LTBP1: variants seen among roughly 807,000 people sequenced by gnomAD.
The protein encoded by LTBP1 is latent-transforming growth factor beta-binding protein 1.
A neutral mutation model predicts 207.6 loss-of-function variants in LTBP1; 129 were observed. The ratio of observed to expected loss-of-function variants is 0.62; its 90% CI spans 0.54 to 0.72. The LOEUF is 0.72. Among genes scored for constraint, LTBP1 ranks in the 30% least tolerant of loss-of-function variants. The pLI is 0.00. For synonymous variants in LTBP1, 963 were observed against 833.7 expected, an observed-to-expected ratio of 1.16 and a Z score of -2.67; for missense variants, 2,281 against 2,217.2, an observed-to-expected ratio of 1.03 and a Z score of -0.58.
intron 5 of LTBP1, among the ~76,000 whole-genome samples, chr2:33,165,068 T>C (rs1379704124): frequency 6.6e-6 from 1 of 151,960 alleles, no homozygotes; most frequent in East Asian, 1.9e-4. Context: ...GGATAGGGAG[T>C]GTGGTATGTT....
intron 5 of LTBP1, among the ~76,000 whole-genome samples, chr2:33,171,528 T>G (rs1179945905): frequency 6.6e-6 from 1 of 151,286 alleles, no homozygotes; most frequent in Admixed American, 6.6e-5. Context: ...AATCTACGTC[T>G]GATTGGTGTA....
intron 32 of LTBP1, among the ~76,000 whole-genome samples, chr2:33,396,456 A>G (rs1326642301): frequency 2.0e-5 from 3 of 152,212 alleles, no homozygotes; most frequent in Admixed American, 1.3e-4. Context: ...TCCTGGCCTC[A>G]GGCGATCTGC....
intron 3 of LTBP1, among the ~76,000 whole-genome samples, chr2:33,041,230 T>G (rs2076166234): frequency 6.6e-6 from 1 of 152,208 alleles, no homozygotes. Context: ...TGTTTATTTA[T>G]TTTTTCTAGC....
intron 2 of LTBP1, among the ~76,000 whole-genome samples, chr2:32,955,415 G>A (rs1290001267): frequency 6.6e-6 from 1 of 152,200 alleles, no homozygotes; most frequent in Non-Finnish European, 1.5e-5. Flanking sequence ...CTGCATCAGT[G>A]ATTATGTAGA....
intron 5 of LTBP1, among the ~76,000 whole-genome samples, chr2:33,161,947 A>C (rs2084506205): frequency 6.6e-6 from 1 of 152,230 alleles, no homozygotes; most frequent in African/African-American, 2.4e-5. Flanking sequence ...ATGGGAACCA[A>C]GTGACTTGCC....
chr2:33,069,288 C>T (rs1174227145), intron 3 of LTBP1, among the ~76,000 whole-genome samples: 1 of 152,104 alleles, frequency 6.6e-6, no homozygotes, highest in Admixed American at 6.5e-5. Context: ...CCCTCCCCGC[C>T]CCACTCCATT....
chr2:33,010,937 C>T (rs2149096104), intron 2 of LTBP1, among the ~76,000 whole-genome samples: 1 of 152,174 alleles, frequency 6.6e-6, no homozygotes, highest in Middle Eastern at 3.4e-3. Context: ...CCAGGATGGT[C>T]TCGATCTCTT....
chr2:33,306,773 C>CAAAG (rs1276717949), intron 22 of LTBP1, among the ~76,000 whole-genome samples: 1 of 151,866 alleles, frequency 6.6e-6, no homozygotes, highest in Non-Finnish European at 1.5e-5. Flanking sequence ...TCCTACAAAG[C>CAAAG]AAAGAAAGAA....
At chr2:33,317,977 C>T (rs1316025015) in intron 24 of LTBP1, 1 of 152,114 alleles carries the variant, frequency 6.6e-6, no homozygotes, top group Non-Finnish European at 1.5e-5. Flanking sequence ...TTGAGTATTC[C>T]TCATCTGTAA....
chr2:33,065,751 C>CT (rs918299170), intron 3 of LTBP1, among the ~76,000 whole-genome samples: 5 of 152,138 alleles, frequency 3.3e-5, no homozygotes, highest in Non-Finnish European at 7.4e-5. Context: ...TTCCTGTATA[C>CT]TTTGAAGAGT....
At chr2:33,248,584 G>A (rs193220819) in intron 10 of LTBP1, among the ~76,000 whole-genome samples, 8 of 149,558 alleles carry the variant, frequency 5.3e-5, no homozygotes, top group South Asian at 2.1e-4. Context: ...GGTTCTCCAC[G>A]AATTTTTTTT....
intron 31 of LTBP1, among the ~76,000 whole-genome samples, chr2:33,384,870 G>T (rs1224570099): frequency 6.6e-6 from 1 of 151,840 alleles, no homozygotes; most frequent in Admixed American, 6.6e-5. Flanking sequence ...TGTGGCTTGG[G>T]GTGCCCAGAG....
chr2:33,285,451 C>CTTTTTTT (rs199993814), intron 19 of LTBP1, among the ~76,000 whole-genome samples: 2 of 124,400 alleles, frequency 1.6e-5, no homozygotes, highest in Non-Finnish European at 1.7e-5. Context: ...CTTTCTTTTT[C>CTTTTTTT]TTTTTTTTTT....
At chr2:32,954,565 A>C (rs1677751164) in intron 2 of LTBP1, among the ~76,000 whole-genome samples, 1 of 108,978 alleles carries the variant, frequency 9.2e-6, no homozygotes, top group Non-Finnish European at 2.0e-5. Context: ...CCCACCAATG[A>C]TCCCATTTTA....
chr2:33,157,510 A>C (rs2084064780), intron 5 of LTBP1, among the ~76,000 whole-genome samples: 2 of 152,234 alleles, frequency 1.3e-5, no homozygotes, highest in African/African-American at 4.8e-5. Flanking sequence ...TTTATAGATC[A>C]GAAAATTGAG....
intron 4 of LTBP1, among the ~76,000 whole-genome samples, chr2:33,115,072 ACG>A (rs1491185239): frequency 2.7e-5 from 4 of 147,372 alleles, no homozygotes; most frequent in African/African-American, 5.0e-5. Context: ...ACACACACAC[ACG>A]TATACACAAA....
intron 4 of LTBP1, among the ~76,000 whole-genome samples, chr2:33,113,683 C>T (rs555960014): frequency 6.6e-6 from 1 of 152,212 alleles, no homozygotes; most frequent in Non-Finnish European, 1.5e-5. Flanking sequence ...TGGGTGTTCT[C>T]TGGTCATTGG....
chr2:33,386,169 C>T lies in LTBP1; in HGVS notation c.4712-3015C>T, dbSNP rs79783805. On this transcript the variant is annotated intron_variant, in intron 31 of 33. Coordinates refer to ENST00000404816, the MANE Select transcript of LTBP1 (RefSeq NM_206943.4). ...GCCTTTGGGTACGTGCTTTTAAAAA[C>T]TAATCCAAAATTCTGCAACATAATT... Among the ~76,000 whole-genome samples the T allele has an allele frequency of 7.0e-3, 1,062 of 152,316 alleles. 8 individuals carry two copies. Among genetic ancestry groups the T allele is most frequent in the African/African-American group, 0.023 (959 of 41,580 alleles).
chr2:32,996,974 T>C (rs543961100), intron 2 of LTBP1, among the ~76,000 whole-genome samples: 74 of 152,218 alleles, frequency 4.9e-4, no homozygotes, highest in African/African-American at 1.8e-3. Context: ...AGTGTCCGCC[T>C]TCTGGGTCCA....
Sources: gnomAD v4.1 joint callset for allele counts (sites outside exome capture counted in the v4.1 genomes callset) on GRCh38, gnomAD v4.1.1 for gene constraint, MANE v1.5 for transcripts, NCBI Gene and HGNC (gene_info 2026-07-23, HGNC 2026-07-21) for gene names.